The following NCOR1 variants were observed in gnomAD, a reference collection of about 807,000 sequenced individuals.
NCOR1 encodes nuclear receptor corepressor 1.
Under a neutral mutation model 288.1 loss-of-function variants are expected in NCOR1, and 63 were observed. The ratio of observed to expected loss-of-function variants is 0.22; its 90% CI spans 0.18 to 0.27. The LOEUF (loss-of-function observed/expected upper bound fraction) is 0.27. NCOR1 is among the 10% of genes least tolerant of loss of function. The probability of loss-of-function intolerance (pLI) is 1.00; values close to 1 mark genes in which losing one functional copy is unlikely to be tolerated. For missense variants in NCOR1, 2,397 were observed against 3,019.2 expected (o/e 0.79, Z 4.83); for synonymous variants, 1,007 against 1,065.9 (o/e 0.94, Z 1.08).
At chr17:16,200,938 CAGGAG>C (rs1409057833) in intron 1 of NCOR1, among the ~76,000 whole-genome samples, 1 of 152,164 alleles carries the variant, frequency 6.6e-6, no homozygotes, top group African/African-American at 2.4e-5. Flanking sequence ...GCCCAGCATG[CAGGAG>C]AGGAAAGACT....
Position 16,030,323 on chromosome 17 carries a change from A to G in NCOR1, c.*1973T>C. 4.5e-6 allele frequency: 1 copy of G among 224,186 alleles called. No homozygotes were observed. The highest frequency in any genetic ancestry group is 6.4e-5 in the East Asian group (1 of 15,556). The allele number at this position is 224,186 out of a possible 1,614,324, so 13.9% of individuals were successfully genotyped here. ...GGGTGGCAGAGGTGGAAGAAAATCC[A>G]TGTATAAGTGGACCCACACAGTTCA... On this transcript the variant is annotated 3_prime_UTR_variant, in exon 46 of 46. Coordinates refer to ENST00000268712, the MANE Select transcript of NCOR1 (RefSeq NM_006311.4).
At position 16,215,020 on chromosome 17, in the gene NCOR1, G is replaced by A. The variant is rs531469470; in HGVS notation, c.-71+342C>T. On this transcript the variant is annotated intron_variant, in intron 1 of 45. Transcript: ENST00000268712. ...CGCCACCTGCGCCGGCCCCACCCGG[G>A]GCACCGGCTGCCCGCTCTCCCTCGC... 2.0e-5 allele frequency among the ~76,000 whole-genome samples: 3 copies of A among 152,282 alleles called. No individual in the cohort carries two copies. The South Asian group carries it at 6.2e-4, about 32-fold the overall frequency.
At chr17:16,214,655 T>A (rs184050497) in intron 1 of NCOR1, among the ~76,000 whole-genome samples, 1 of 152,298 alleles carries the variant, frequency 6.6e-6, no homozygotes, top group Non-Finnish European at 1.5e-5. Context: ...ATCCATTCCT[T>A]TAATACATGA....
At chr17:16,126,312 C>T (rs918027040) in intron 14 of NCOR1, 106 bp from the exon 15 acceptor site, 3 of 1,152,724 alleles carry the variant, frequency 2.6e-6, no homozygotes, top group Admixed American at 5.5e-5. Context: ...GATTGTTAGT[C>T]ATTTACAATG....
chr17:16,106,854 C>CATATATATATAT (rs1162344281), intron 19 of NCOR1, among the ~76,000 whole-genome samples: 20 of 46,146 alleles, frequency 4.3e-4, no homozygotes, highest in African/African-American at 6.4e-4. Flanking sequence ...CTTGATCAGA[C>CATATATATATAT]ATATATATAT....
In NCOR1 at chr17:16,058,476, G is replaced by A. The variant is rs762874617; in HGVS notation, c.6005C>T (p.Ala2002Val). 1.6e-5 allele frequency: 26 copies of A among 1,611,446 alleles called. No homozygotes were observed. Among genetic ancestry groups the A allele is most frequent in the South Asian group, 5.5e-5 (5 of 90,762 alleles). The change falls in exon 38 of 46, where the codon GCG becomes GTG. Residue 2002 changes from alanine to valine, a missense_variant. This residue lies in a region of NCOR1 where 1,872 missense variants were observed against 2,187.8 expected (regional missense o/e 0.86). Transcript: ENST00000268712. The stretch of plus-strand genomic sequence containing the variant: ...GGTAGCTTAAGAAGACATACTTTCC[G>A]CTTGATTTGCCTTAACAACCTCTGG... ...YQPEVVKANQ[A>V]ENDPTRQYEG...
chr17:16,030,385 C>T lies in NCOR1; in HGVS notation c.*1911G>A. Reference sequence around the variant, plus strand: ...TTCAAGGGTCAACTGTATTCTGACTCAGAATAGCTTAAGACCCTCAGGGTC... The same window carrying T: ...TTCAAGGGTCAACTGTATTCTGACTTAGAATAGCTTAAGACCCTCAGGGTC... On this transcript the variant is annotated 3_prime_UTR_variant, in exon 46 of 46. Coordinates refer to ENST00000268712, the MANE Select transcript of NCOR1 (RefSeq NM_006311.4). The T allele has an allele frequency of 4.7e-6, 1 of 214,674 alleles. No homozygotes were observed. The highest frequency in any genetic ancestry group is 5.9e-5 in the Admixed American group (1 of 17,078). The allele number at this position is 214,674 out of a possible 1,614,324, so 13.3% of individuals were successfully genotyped here.
intron 2 of NCOR1, among the ~76,000 whole-genome samples, chr17:16,190,382 TG>T (rs1280153981): frequency 6.6e-6 from 1 of 152,106 alleles, no homozygotes; most frequent in Admixed American, 6.6e-5. Flanking sequence ...TTGCCCAGGC[TG>T]GAGTGCAGCG....
At position 16,058,054 on chromosome 17, in the gene NCOR1, G is replaced by A. The variant is rs1226825937; in HGVS notation, c.6021C>T (p.Thr2007=). The change falls in exon 39 of 46, where the codon ACC becomes ACT. Residue 2007 remains threonine, a synonymous_variant. Transcript: ENST00000268712. The part of the protein sequence containing the change: ...VKANQAENDP[T]RQYEGPLHHY... ...GATGTAATGGTCCTTCATATTGTCT[G>A]GTAGGATCATCTAGGAGAGAACACA... 1 of 1,613,874 alleles carries A rather than the reference G, an allele frequency of 6.2e-7. No homozygotes were observed. The highest frequency in any genetic ancestry group is 8.5e-7 in the Non-Finnish European group (1 of 1,179,956).
chr17:16,179,912 C>T (rs1206334496), intron 3 of NCOR1, among the ~76,000 whole-genome samples: 4 of 136,756 alleles, frequency 2.9e-5, no homozygotes, highest in Admixed American at 1.6e-4. Flanking sequence ...GAGCCAAGAT[C>T]GTGCCACTGC....
At chr17:16,078,494 T>C (rs566170076) in intron 26 of NCOR1, among the ~76,000 whole-genome samples, 2 of 152,304 alleles carry the variant, frequency 1.3e-5, no homozygotes, top group South Asian at 2.1e-4. Flanking sequence ...GAATAATACA[T>C]ACAGGCCCAT....
chr17:16,051,847 G>A (rs949406973), intron 40 of NCOR1, among the ~76,000 whole-genome samples: 1 of 152,090 alleles, frequency 6.6e-6, no homozygotes, highest in Non-Finnish European at 1.5e-5. Context: ...GGAGGCAGAC[G>A]TTGTGGTGAG....
intron 15 of NCOR1, among the ~76,000 whole-genome samples, chr17:16,123,143 A>G (rs1478531964): frequency 6.6e-6 from 1 of 152,020 alleles, no homozygotes; most frequent in Non-Finnish European, 1.5e-5. Flanking sequence ...CCAAAATCAT[A>G]TTCATCCTCA....
intron 11 of NCOR1, among the ~76,000 whole-genome samples, chr17:16,139,397 G>T (rs905746380): frequency 6.6e-6 from 1 of 152,046 alleles, no homozygotes; most frequent in Admixed American, 6.6e-5. Context: ...TATCCATATC[G>T]TTTTTTAAAT....
intron 6 of NCOR1, among the ~76,000 whole-genome samples, chr17:16,154,004 T>C (rs1236217078): frequency 6.7e-6 from 1 of 148,756 alleles, no homozygotes; most frequent in Non-Finnish European, 1.5e-5. Context: ...GTATTTGTAA[T>C]ATGCTATTTC....
At position 16,034,878 on chromosome 17, in the gene NCOR1, C is replaced by T. The variant is rs1287401421; in HGVS notation, c.7022G>A (p.Gly2341Glu). The change falls in exon 45 of 46, where the codon GGG (glycine) becomes GAG (glutamate). Residue 2341 changes from glycine (G) to glutamate (E), a missense_variant. Physicochemically the swap from Gly to Glu is moderately conservative, Grantham distance 98. Coordinates refer to ENST00000268712, the MANE Select transcript of NCOR1 (RefSeq NM_006311.4). Reference sequence around the variant, plus strand: ...CCGTTCCGTTCCTAAGTAGCCTTGCCCAGGTATAGGAGACTTAGATTTCCT... The same window carrying T: ...CCGTTCCGTTCCTAAGTAGCCTTGCTCAGGTATAGGAGACTTAGATTTCCT... ...NSRKSKSPIPGQGYLGTERPS... is the reference protein window; with the variant it reads ...NSRKSKSPIPEQGYLGTERPS... The T allele has an allele frequency of 8.7e-6, 14 of 1,613,894 alleles. No homozygotes were observed. In the South Asian group the frequency reaches 1.5e-4, roughly 18 times the overall value.
chr17:16,152,005 A>T lies in NCOR1; in HGVS notation c.790-7T>A, dbSNP rs554882200. 1.3e-6 allele frequency: 2 copies of T among 1,564,180 alleles called. No homozygotes were observed. Among genetic ancestry groups the T allele is most frequent in the East Asian group, 2.3e-5 (1 of 44,280 alleles). ...ATGGCTGGTTATACAGTGGCTATAA[A>T]AGAAATCAAATATTTATGTATAAAA... is the stretch of plus-strand genomic sequence containing the variant. On this transcript the variant is annotated splice_polypyrimidine_tract_variant and splice_region_variant and intron_variant, in intron 7 of 45. Coordinates refer to ENST00000268712, the MANE Select transcript of NCOR1 (RefSeq NM_006311.4).
At chr17:16,120,864 TG>T (rs1263260585) in intron 16 of NCOR1, among the ~76,000 whole-genome samples, 187 bp downstream of exon 16, 1 of 152,172 alleles carries the variant, frequency 6.6e-6, no homozygotes, top group Non-Finnish European at 1.5e-5. Context: ...ACAGCTATAT[TG>T]GGGTGGCAAG....
chr17:16,201,958 G>T (rs1457548197), intron 1 of NCOR1, among the ~76,000 whole-genome samples: 1 of 152,146 alleles, frequency 6.6e-6, no homozygotes. Flanking sequence ...TGGGCGCGGT[G>T]GCTCACGCCT....
Sources: allele counts gnomAD v4.1 joint callset (sites outside exome capture counted in the v4.1 genomes callset), GRCh38; gene constraint gnomAD v4.1.1; regional missense constraint gnomAD v4.1.1; transcripts MANE v1.5; gene names NCBI Gene and HGNC (gene_info 2026-07-23, HGNC 2026-07-21).